Variants in DNAI7 observed in about 807,000 individuals in gnomAD.
DNAI7 encodes the protein cancer susceptibility 1.
In DNAI7, 78 loss-of-function variants were observed where a neutral mutation model predicts 86.6. That is an observed-to-expected ratio of 0.90 (90% CI 0.75 to 1.09). The LOEUF is 1.09. Among genes scored for constraint, DNAI7 ranks in the 50% least tolerant of loss-of-function variants. The pLI, the probability that DNAI7 is intolerant of heterozygous loss-of-function variation, is 0.00. For synonymous variants in DNAI7, 274 were observed against 273.0 expected, an observed-to-expected ratio of 1.00 and a Z score of -0.04; for missense variants, 753 against 810.2, an observed-to-expected ratio of 0.93 and a Z score of 0.86.
chr12:25,136,846 C>T (rs935248080), intron 9 of DNAI7, among the ~76,000 whole-genome samples: 1 of 152,000 alleles, frequency 6.6e-6, no homozygotes, highest in Non-Finnish European at 1.5e-5. Flanking sequence ...TTTGAATTAA[C>T]CCAACCCAAC....
At chr12:25,124,786 A>G (rs556875855) in intron 9 of DNAI7, among the ~76,000 whole-genome samples, 1 of 152,174 alleles carries the variant, frequency 6.6e-6, no homozygotes, top group African/African-American at 2.4e-5. Context: ...CTCTACTCCT[A>G]AGTAGGCCCC....
At chr12:25,107,068 T>G, downstream of DNAI7, 1 of 1,387,222 alleles carries the variant, frequency 7.2e-7, no homozygotes, top group Non-Finnish European at 1.0e-6. Context: ...ATCTACTTGA[T>G]AAATTCTACC....
At chr12:25,183,064 A>G (rs1191807634) in intron 2 of DNAI7, among the ~76,000 whole-genome samples, 1 of 152,150 alleles carries the variant, frequency 6.6e-6, no homozygotes, top group East Asian at 1.9e-4. Flanking sequence ...ACAGCCATAA[A>G]AAGAATGAAA....
In DNAI7 at chr12:25,144,587, A is replaced by G; in HGVS notation, c.780T>C (p.His260=). ...ATSDIAVRLL[H]THYDHVSALH... ...GTGCAGAAACATGATCATAGTGGGTATGCAGGAGTCGTACAGCAATGTCAC... is the reference window on the plus strand; with the variant it reads ...GTGCAGAAACATGATCATAGTGGGTGTGCAGGAGTCGTACAGCAATGTCAC... Residue 260 remains histidine (H), a synonymous_variant, in exon 9 of 16, where the codon CAT becomes CAC. Coordinates refer to ENST00000395987, the MANE Select transcript of DNAI7 (RefSeq NM_018272.5). 4 of 1,614,034 alleles carry G rather than the reference A, an allele frequency of 2.5e-6. No homozygotes were observed. In the African/African-American group the frequency reaches 5.3e-5, roughly 22 times the overall value.
chr12:25,107,104 G>A (rs1949216348), downstream of DNAI7: 8 of 970,716 alleles, frequency 8.2e-6, no homozygotes, highest in Non-Finnish European at 1.3e-5. Context: ...GAAAGGGTGA[G>A]GCAGGGCTGA....
intron 12 of DNAI7, among the ~76,000 whole-genome samples, chr12:25,117,937 T>TCTTTC (rs144550958): frequency 1.4e-5 from 1 of 71,292 alleles, no homozygotes; most frequent in Non-Finnish European, 3.9e-5. Context: ...ATTTTCTTTT[T>TCTTTC]CTTTTTTTTT....
At chr12:25,177,137 A>C (rs1949048159) in intron 2 of DNAI7, among the ~76,000 whole-genome samples, 1 of 152,062 alleles carries the variant, frequency 6.6e-6, no homozygotes. Flanking sequence ...TCCTGACCTC[A>C]AGTGATTCAC....
intron 10 of DNAI7, among the ~76,000 whole-genome samples, chr12:25,122,139 T>C (rs894320542): frequency 3.3e-5 from 5 of 152,144 alleles, no homozygotes; most frequent in African/African-American, 1.2e-4. Context: ...TTATTTCATC[T>C]ATGAAACCAT....
intron 7 of DNAI7, among the ~76,000 whole-genome samples, chr12:25,147,423 G>T (rs942940804): frequency 6.6e-6 from 1 of 151,936 alleles, no homozygotes; most frequent in African/African-American, 2.4e-5. Context: ...AGGCCAAGTC[G>T]TAAGGATCAT....
intron 2 of DNAI7, among the ~76,000 whole-genome samples, chr12:25,169,791 T>C (rs1947916212): frequency 6.9e-6 from 1 of 145,700 alleles, no homozygotes; most frequent in East Asian, 2.0e-4. Context: ...GAGGGTGCAG[T>C]GAGCTGAAAT....
chr12:25,166,654 CA>C (rs945374671), intron 2 of DNAI7, among the ~76,000 whole-genome samples: 9 of 152,130 alleles, frequency 5.9e-5, no homozygotes, highest in African/African-American at 2.2e-4. Flanking sequence ...ATCCCTTCTA[CA>C]AAACAACAAC....
intron 5 of DNAI7, 123 bp from the exon 6 acceptor site, chr12:25,154,579 C>A: frequency 1.2e-6 from 1 of 867,594 alleles, no homozygotes; most frequent in East Asian, 2.7e-5. Flanking sequence ...AACATGATGG[C>A]TTTAACCAGT....
chr12:25,144,163 A>T (rs1944536498), intron 9 of DNAI7, among the ~76,000 whole-genome samples: 1 of 152,192 alleles, frequency 6.6e-6, no homozygotes. Flanking sequence ...GAACTTTAGG[A>T]TGTTGAAGCT....
chr12:25,126,043 G>C (rs1418785014), intron 9 of DNAI7, among the ~76,000 whole-genome samples: 3 of 152,150 alleles, frequency 2.0e-5, no homozygotes, highest in Admixed American at 2.0e-4. Flanking sequence ...GTCAGGTAAT[G>C]TGATGCTTCC....
chr12:25,109,393 G>T (rs973058981), intron 15 of DNAI7, among the ~76,000 whole-genome samples: 2 of 150,800 alleles, frequency 1.3e-5, no homozygotes, highest in Admixed American at 6.6e-5. Context: ...TCCATTTGTT[G>T]TTTTTTTTAA....
intron 9 of DNAI7, among the ~76,000 whole-genome samples, chr12:25,139,418 T>C (rs1021394363): frequency 6.6e-6 from 1 of 152,072 alleles, no homozygotes; most frequent in African/African-American, 2.4e-5. Flanking sequence ...GAAAGGAAAC[T>C]ACAGACCAAT....
intron 9 of DNAI7, among the ~76,000 whole-genome samples, chr12:25,141,197 CAAT>C (rs1254645537): frequency 6.6e-6 from 1 of 152,074 alleles, no homozygotes; most frequent in African/African-American, 2.4e-5. Context: ...GCAACAACAA[CAAT>C]GATAAATAGA....
At chr12:25,130,728 A>G (rs963318798) in intron 9 of DNAI7, among the ~76,000 whole-genome samples, 1 of 152,148 alleles carries the variant, frequency 6.6e-6, no homozygotes, top group African/African-American at 2.4e-5. Context: ...GGTAATTCTC[A>G]TTAGAAAAAA....
rs114126046 is a variant in DNAI7, at chr12:25,168,388, C to T, written c.22-7191G>A. On this transcript the variant is annotated intron_variant, in intron 2 of 15. Transcript: ENST00000395987. ...AAGAGTTATTCCACTAATTCCCGTG[C>T]TTGTCAGTTTAAGACTTTCTGCCTC... Among the ~76,000 whole-genome samples the T allele has an allele frequency of 6.2e-3, 939 of 152,276 alleles. 9 individuals carry two copies. Among genetic ancestry groups the T allele is most frequent in the African/African-American group, 0.021 (878 of 41,544 alleles).
Sources: allele counts gnomAD v4.1 joint callset (sites outside exome capture counted in the v4.1 genomes callset), GRCh38; gene constraint gnomAD v4.1.1; transcripts MANE v1.5; gene names NCBI Gene and HGNC (gene_info 2026-07-23, HGNC 2026-07-21).